The following KCNJ4 variants were observed in gnomAD, a reference collection of about 807,000 sequenced individuals.
The protein encoded by KCNJ4 is potassium inwardly rectifying channel subfamily J member 4, also known as inward rectifier potassium channel 4.
KCNJ4 carries 3 observed loss-of-function variants against 25.6 expected under a neutral mutation model. That is an observed-to-expected ratio of 0.12 (90% CI 0.05 to 0.30). The LOEUF is 0.30. KCNJ4 is among the 10% of genes least tolerant of loss of function. The pLI, the probability that KCNJ4 is intolerant of heterozygous loss-of-function variation, is 1.00. For missense variants in KCNJ4, 286 were observed against 666.8 expected, an observed-to-expected ratio of 0.43 and a Z score of 6.29; for synonymous variants, 257 against 283.9, an observed-to-expected ratio of 0.91 and a Z score of 0.95.
At chr22:38,444,556 G>A (rs1373302669) in intron 1 of KCNJ4, among the ~76,000 whole-genome samples, 3 of 152,194 alleles carry the variant, frequency 2.0e-5, no homozygotes, top group African/African-American at 4.8e-5. Flanking sequence ...TCAGGGGCTC[G>A]GGGGAGGATG....
intron 1 of KCNJ4, among the ~76,000 whole-genome samples, chr22:38,429,490 T>A (rs2145931860): frequency 6.6e-6 from 1 of 152,252 alleles, no homozygotes; most frequent in Middle Eastern, 3.4e-3. Flanking sequence ...AGCCTCCATG[T>A]CTTCATGTAA....
Position 38,449,527 on chromosome 22 carries a change from C to A in KCNJ4, c.-40+5453G>T, listed in dbSNP as rs373931630. The stretch of plus-strand genomic sequence containing the variant: ...GCCATCTGAGCAGCCCTCACGCATG[C>A]GCATGCGTGTGTGCCTGTGTCTGTG... On this transcript the variant is annotated intron_variant, in intron 1 of 1. Coordinates refer to ENST00000303592, the MANE Select transcript of KCNJ4 (RefSeq NM_152868.3). The surrounding 1 kb of genome is among the most constrained non-coding windows in gnomAD (Gnocchi z 5.2). 6.6e-6 allele frequency among the ~76,000 whole-genome samples: 1 copy of A among 152,308 alleles called. No homozygotes were observed. Among genetic ancestry groups the A allele is most frequent in the Non-Finnish European group, 1.5e-5 (1 of 68,012 alleles).
chr22:38,426,605 G>A lies in KCNJ4; in HGVS notation c.*190C>T. 1 of 694,772 alleles carries A rather than the reference G, an allele frequency of 1.4e-6. No individual in the cohort carries two copies. Among genetic ancestry groups the A allele is most frequent in the East Asian group, 2.7e-5 (1 of 36,518 alleles). 43.0% of individuals were successfully genotyped at this position (694,772 alleles called of 1,614,324 possible). A position where few individuals can be genotyped will look rare whatever the true frequency, so the allele number is the denominator to read the frequency against. ...CGCTGGCGGAACTCAGGCTGATCGGGGCCGAGCTCTTCCCAGGCCTGGGTG... is the reference window on the plus strand; with the variant it reads ...CGCTGGCGGAACTCAGGCTGATCGGAGCCGAGCTCTTCCCAGGCCTGGGTG... On this transcript the variant is annotated 3_prime_UTR_variant, in exon 2 of 2. Transcript: ENST00000303592.
intron 1 of KCNJ4, among the ~76,000 whole-genome samples, chr22:38,432,596 C>G (rs1432130971): frequency 1.3e-5 from 2 of 152,244 alleles, no homozygotes; most frequent in Admixed American, 6.5e-5. Flanking sequence ...GACATAGAAC[C>G]AGAGGGATTG....
intron 1 of KCNJ4, among the ~76,000 whole-genome samples, chr22:38,433,835 C>G (rs945006713): frequency 6.6e-6 from 1 of 152,228 alleles, no homozygotes; most frequent in African/African-American, 2.4e-5. Flanking sequence ...GAGACTCTGC[C>G]TCCTGGGGGT....
At chr22:38,452,211 T>A (rs1227252762) in intron 1 of KCNJ4, among the ~76,000 whole-genome samples, 1 of 152,188 alleles carries the variant, frequency 6.6e-6, no homozygotes, top group Non-Finnish European at 1.5e-5. Flanking sequence ...CGCCAAGATC[T>A]TAAGTGGCCA....
chr22:38,453,752 CTGAA>C (rs2089423021), intron 1 of KCNJ4, among the ~76,000 whole-genome samples: 1 of 152,176 alleles, frequency 6.6e-6, no homozygotes, highest in Non-Finnish European at 1.5e-5. Flanking sequence ...TTCTGGGAGG[CTGAA>C]TGGAGGACAT....
Position 38,427,312 on chromosome 22 carries a change from A to G in KCNJ4, c.821T>C (p.Met274Thr). The G allele has an allele frequency of 6.2e-7, 1 of 1,613,986 alleles. No individual in the cohort carries two copies. The highest frequency in any genetic ancestry group is 8.5e-7 in the Non-Finnish European group (1 of 1,179,996). Residue 274 changes from methionine to threonine, a missense_variant, in exon 2 of 2, where the codon ATG (methionine) becomes ACG (threonine). By Grantham distance (81) the Met-to-Thr change is moderately conservative (BLOSUM62 -1). Transcript: ENST00000303592. ...EIDEDSPLYG[M>T]GKEELESEDF... Reference sequence around the variant, plus strand: ...CTCCGACTCCAGCTCCTCCTTGCCCATGCCATAAAGCGGGCTGTCCTCGTC... The same window carrying G: ...CTCCGACTCCAGCTCCTCCTTGCCCGTGCCATAAAGCGGGCTGTCCTCGTC...
chr22:38,431,109 C>T (rs935031322), intron 1 of KCNJ4, among the ~76,000 whole-genome samples: 2 of 152,230 alleles, frequency 1.3e-5, no homozygotes, highest in South Asian at 4.1e-4. Flanking sequence ...CGGGTGAGGT[C>T]ACTGAGCTCC....
In KCNJ4 at chr22:38,445,047, G is replaced by T. The variant is rs570971421; in HGVS notation, c.-40+9933C>A. 4.2e-4 allele frequency among the ~76,000 whole-genome samples: 64 copies of T among 152,066 alleles called. 2 individuals carry two copies. The highest frequency in any genetic ancestry group is 1.8e-4 in the Non-Finnish European group (12 of 68,016). On this transcript the variant is annotated intron_variant, in intron 1 of 1. Coordinates refer to ENST00000303592, the MANE Select transcript of KCNJ4 (RefSeq NM_152868.3). Reference sequence around the variant, plus strand: ...ACCGGCTTTGCTGAGCTCCGTGCACGCATGTGTGCGTGCATGCGTGTGTGT... The same window carrying T: ...ACCGGCTTTGCTGAGCTCCGTGCACTCATGTGTGCGTGCATGCGTGTGTGT...
intron 1 of KCNJ4, among the ~76,000 whole-genome samples, chr22:38,450,909 C>G (rs1279569101): frequency 1.3e-5 from 2 of 152,174 alleles, no homozygotes; most frequent in Non-Finnish European, 2.9e-5. Context: ...TCCACTCTTT[C>G]CCCAGGGAAG....
At position 38,426,609 on chromosome 22, in the gene KCNJ4, G is replaced by A. The variant is rs575452322; in HGVS notation, c.*186C>T. The A allele has an allele frequency of 6.1e-5, 44 of 723,842 alleles. No individual in the cohort carries two copies. The highest frequency in any genetic ancestry group is 1.1e-4 in the Admixed American group (4 of 35,034). 44.8% of individuals were successfully genotyped at this position (723,842 alleles called of 1,614,324 possible). ...GGCGGAACTCAGGCTGATCGGGGCC[G>A]AGCTCTTCCCAGGCCTGGGTGCTGG... On this transcript the variant is annotated 3_prime_UTR_variant, in exon 2 of 2. Transcript: ENST00000303592.
At position 38,455,074 on chromosome 22, in the gene KCNJ4, G is replaced by A. The variant is rs547836330; in HGVS notation, c.-134C>T. 1.3e-5 allele frequency: 2 copies of A among 150,616 alleles called. No individual in the cohort carries two copies. Among genetic ancestry groups the A allele is most frequent in the East Asian group, 2.0e-4 (1 of 5,120 alleles). 9.3% of individuals were successfully genotyped at this position (150,616 alleles called of 1,614,324 possible). On this transcript the variant is annotated 5_prime_UTR_variant, in exon 1 of 2. Transcript: ENST00000303592. ...GCGGGCGGCGTCCCGGGCGCGGAAA[G>A]GGGAGTCCCGGCGCCCCCTGCCCGC...
chr22:38,442,128 G>A (rs902892857), intron 1 of KCNJ4, among the ~76,000 whole-genome samples: 4 of 152,112 alleles, frequency 2.6e-5, no homozygotes, highest in African/African-American at 7.2e-5. Context: ...AGGAAGAACT[G>A]TCACTGTATT....
At chr22:38,450,989 G>A (rs9622812) in intron 1 of KCNJ4, among the ~76,000 whole-genome samples, 2,138 of 152,020 alleles carry the variant, frequency 0.014, 55 homozygotes, top group African/African-American at 0.05. Context: ...GTCTTACTGT[G>A]TGACCCTGGA....
Position 38,427,749 on chromosome 22 carries a change from C to G in KCNJ4, c.384G>C (p.Ser128=), listed in dbSNP as rs566866323. The G allele has an allele frequency of 1.9e-6, 3 of 1,609,252 alleles. No homozygotes were observed. The African/African-American group carries it at 4.0e-5, about 21-fold the overall frequency. Residue 128 remains serine, a synonymous_variant, in exon 2 of 2, where the codon TCG becomes TCC. Coordinates refer to ENST00000303592, the MANE Select transcript of KCNJ4 (RefSeq NM_152868.3). The stretch of plus-strand genomic sequence containing the variant: ...AGCCGATGGTCGTCTGCGTCTCCAC[C>G]GAGAACAGGAAGGCACCCAGGAAGC... ...VNGFLGAFLF[S]VETQTTIGYG...
At chr22:38,452,984 T>C (rs957653540) in intron 1 of KCNJ4, among the ~76,000 whole-genome samples, 1 of 150,830 alleles carries the variant, frequency 6.6e-6, no homozygotes, top group Non-Finnish European at 1.5e-5. Context: ...GACTCAGTGG[T>C]CCCCGCAGAG....
Position 38,427,848 on chromosome 22 carries a change from C to T in KCNJ4, c.285G>A (p.Ala95=), listed in dbSNP as rs758044908. The T allele has an allele frequency of 8.7e-6, 14 of 1,609,954 alleles. No homozygotes were observed. Among genetic ancestry groups the T allele is most frequent in the East Asian group, 6.7e-5 (3 of 44,758 alleles). The change falls in exon 2 of 2, where the codon GCG becomes GCA. Residue 95 remains alanine, a synonymous_variant. Coordinates refer to ENST00000303592, the MANE Select transcript of KCNJ4 (RefSeq NM_152868.3). ...CACCACCCGCCGCCGGGCCCCCCGC[C>T]GCAGGCACCCCTGGGCTGGCCTCCA... ...GDLEASPGVP[A]AGGPAAGGGG... is the part of the protein sequence containing the mutation.
chr22:38,445,332 T>A (rs899046666), intron 1 of KCNJ4, among the ~76,000 whole-genome samples: 3 of 152,076 alleles, frequency 2.0e-5, no homozygotes, highest in Admixed American at 1.3e-4. Context: ...GGCACCTATG[T>A]CTTTAGGAAC....
Sources: allele counts gnomAD v4.1 joint callset (sites outside exome capture counted in the v4.1 genomes callset), GRCh38; gene constraint gnomAD v4.1.1; non-coding constraint Gnocchi (gnomAD v3.1); transcripts MANE v1.5; gene names NCBI Gene and HGNC (gene_info 2026-07-23, HGNC 2026-07-21).